MCU: variants seen among roughly 807,000 people sequenced by gnomAD.
The protein encoded by MCU is mitochondrial calcium uniporter.
Under a neutral mutation model 45.2 loss-of-function variants are expected in MCU, and 12 were observed. The observed-to-expected ratio is 0.27, with a 90% CI of 0.17 to 0.43. MCU has a LOEUF of 0.43. Ranked by LOEUF, MCU falls within the 20% of genes least tolerant of loss-of-function variation. The pLI, the probability that MCU is intolerant of heterozygous loss-of-function variation, is 1.00. For synonymous variants in MCU, 160 were observed against 165.1 expected (o/e 0.97, Z 0.24); for missense variants, 324 against 436.7 (o/e 0.74, Z 2.30).
intron 1 of MCU, among the ~76,000 whole-genome samples, chr10:72,795,766 G>A (rs1374943171): frequency 6.6e-6 from 1 of 152,098 alleles, no homozygotes; most frequent in African/African-American, 2.4e-5. Context: ...TTGGGAGGCT[G>A]AGGCAGGTGG....
chr10:72,866,067 A>G (rs551674618), intron 4 of MCU, among the ~76,000 whole-genome samples: 51 of 149,742 alleles, frequency 3.4e-4, no homozygotes, highest in South Asian at 2.1e-3. Context: ...GTGAGCCACC[A>G]CGCCCGGCCT....
rs72812229 is a variant in MCU, at chr10:72,789,451, A to T, written c.151-44908A>T. 1.1e-3 allele frequency among the ~76,000 whole-genome samples: 167 copies of T among 152,328 alleles called. 1 individual carries two copies. The highest frequency in any genetic ancestry group is 3.4e-3 in the Middle Eastern group (1 of 294). The stretch of plus-strand genomic sequence containing the variant: ...CCTTAGCTTTAGCTTCATGTCAAGT[A>T]TAGGAGCTTATAAGAATTTATAATG... On this transcript the variant is annotated intron_variant, in intron 1 of 7. Transcript: ENST00000373053.
At chr10:72,769,749 T>C (rs889565853) in intron 1 of MCU, among the ~76,000 whole-genome samples, 5 of 152,174 alleles carry the variant, frequency 3.3e-5, no homozygotes, top group Non-Finnish European at 5.9e-5. Context: ...GGAAACCCCA[T>C]ACCCATTAGC....
chr10:72,829,410 T>G (rs1210599572), intron 1 of MCU, among the ~76,000 whole-genome samples: 2 of 152,102 alleles, frequency 1.3e-5, no homozygotes, highest in Non-Finnish European at 2.9e-5. Flanking sequence ...CTTTAATCTT[T>G]GTATCTGCCA....
chr10:72,782,072 C>G (rs1844003139), intron 1 of MCU, among the ~76,000 whole-genome samples: 1 of 152,176 alleles, frequency 6.6e-6, no homozygotes, highest in Non-Finnish European at 1.5e-5. Flanking sequence ...CCCCAGAGCT[C>G]TCCTTCACCA....
intron 1 of MCU, among the ~76,000 whole-genome samples, chr10:72,804,364 C>T (rs1844397489): frequency 1.3e-5 from 2 of 151,938 alleles, no homozygotes; most frequent in Non-Finnish European, 2.9e-5. Context: ...ACTAGGATTA[C>T]AGAAGTGAGC....
intron 1 of MCU, among the ~76,000 whole-genome samples, chr10:72,704,835 C>G (rs1353807255): frequency 6.6e-6 from 1 of 151,304 alleles, no homozygotes; most frequent in Admixed American, 6.6e-5. Flanking sequence ...GTTCTCCTAC[C>G]TCAGCCTCCC....
intron 1 of MCU, among the ~76,000 whole-genome samples, chr10:72,827,804 A>G (rs1844819854): frequency 6.6e-6 from 1 of 152,226 alleles, no homozygotes; most frequent in Non-Finnish European, 1.5e-5. Context: ...AGATGAAGAA[A>G]CAGAGACTTA....
intron 1 of MCU, among the ~76,000 whole-genome samples, chr10:72,720,432 A>C (rs1366114750): frequency 1.3e-5 from 2 of 151,952 alleles, no homozygotes; most frequent in Non-Finnish European, 2.9e-5. Flanking sequence ...TGAATAGATT[A>C]CTCCTTAATC....
chr10:72,859,625 A>G (rs774945960), intron 3 of MCU, among the ~76,000 whole-genome samples: 1 of 152,328 alleles, frequency 6.6e-6, no homozygotes. Flanking sequence ...TGAACAATCA[A>G]TCACATTTTA....
intron 1 of MCU, among the ~76,000 whole-genome samples, chr10:72,778,293 G>A (rs1011275852): frequency 2.0e-5 from 3 of 152,300 alleles, no homozygotes; most frequent in Admixed American, 6.5e-5. Context: ...ATCAATGGAT[G>A]AAAGGATAAA....
chr10:72,869,084 T>C (rs972358190), intron 5 of MCU, among the ~76,000 whole-genome samples: 4 of 152,234 alleles, frequency 2.6e-5, no homozygotes, highest in African/African-American at 9.6e-5. Context: ...CTTTCAGTTC[T>C]AAATGCACTG....
At chr10:72,757,643 G>A (rs1475625578) in intron 1 of MCU, among the ~76,000 whole-genome samples, 1 of 152,138 alleles carries the variant, frequency 6.6e-6, no homozygotes, top group Non-Finnish European at 1.5e-5. Flanking sequence ...CTAGCTAGCT[G>A]AAGTGGTCTG....
At position 72,886,531 on chromosome 10, in the gene MCU, G is replaced by C; in HGVS notation, c.*709G>C. 6.6e-6 allele frequency: 1 copy of C among 152,224 alleles called. No individual in the cohort carries two copies. Among genetic ancestry groups the C allele is most frequent in the East Asian group, 1.9e-4 (1 of 5,342 alleles). The allele number at this position is 152,224 out of a possible 1,614,324, so 9.4% of individuals were successfully genotyped here. On this transcript the variant is annotated 3_prime_UTR_variant, in exon 8 of 8. Coordinates refer to ENST00000373053, the MANE Select transcript of MCU (RefSeq NM_138357.3). ...ACTGGCAACACTGCATGAGGTTGTT[G>C]GTTTTGTTTTGTTTTATTAATTAGT...
intron 1 of MCU, among the ~76,000 whole-genome samples, chr10:72,808,462 C>G (rs1844488482): frequency 6.6e-6 from 1 of 152,174 alleles, no homozygotes; most frequent in African/African-American, 2.4e-5. Context: ...TCTTAATATT[C>G]ATGGCATACA....
intron 2 of MCU, among the ~76,000 whole-genome samples, chr10:72,850,363 A>T (rs1845189933): frequency 6.6e-6 from 1 of 152,138 alleles, no homozygotes; most frequent in East Asian, 1.9e-4. Context: ...ATCATCCATC[A>T]TATATAGTTC....
chr10:72,697,796 C>G (rs1842709082), intron 1 of MCU, among the ~76,000 whole-genome samples: 1 of 152,002 alleles, frequency 6.6e-6, no homozygotes, highest in African/African-American at 2.4e-5. Flanking sequence ...GAGAGACAGT[C>G]TTGTTCTCTT....
intron 1 of MCU, among the ~76,000 whole-genome samples, chr10:72,832,501 T>C (rs1416381532): frequency 6.6e-6 from 1 of 152,042 alleles, no homozygotes; most frequent in East Asian, 1.9e-4. Flanking sequence ...CAAAAACCAT[T>C]ACATGAGGAA....
At chr10:72,803,019 G>A (rs533169044) in intron 1 of MCU, among the ~76,000 whole-genome samples, 115 of 152,194 alleles carry the variant, frequency 7.6e-4, no homozygotes, top group Middle Eastern at 3.4e-3. Context: ...GTATTTCACC[G>A]AAAATAGACT....
Sources: gnomAD v4.1 joint callset for allele counts (sites outside exome capture counted in the v4.1 genomes callset) on GRCh38, gnomAD v4.1.1 for gene constraint, MANE v1.5 for transcripts, NCBI Gene and HGNC (gene_info 2026-07-23, HGNC 2026-07-21) for gene names.